Variants in WNK2 observed in about 807,000 individuals in gnomAD.
WNK2 encodes WNK lysine deficient protein kinase 2.
WNK2 carries 67 observed loss-of-function variants against 192.1 expected under a neutral mutation model. The observed-to-expected ratio is 0.35, with a 90% CI of 0.29 to 0.43. The LOEUF (loss-of-function observed/expected upper bound fraction) is 0.43. WNK2 is among the 20% of genes least tolerant of loss of function. The pLI is 1.00. For synonymous variants in WNK2, 1,439 were observed against 1,393.9 expected (o/e 1.03, Z -0.72); for missense variants, 2,698 against 3,089.7 (o/e 0.87, Z 3.01).
At chr9:93,238,493 G>A (rs1490140416) in intron 6 of WNK2, among the ~76,000 whole-genome samples, 172 bp downstream of exon 6, 2 of 152,230 alleles carry the variant, frequency 1.3e-5, no homozygotes, top group African/African-American at 4.8e-5. Flanking sequence ...GAGTGCGTGT[G>A]GGTGACACCA....
At chr9:93,234,508 G>A (rs906096323) in intron 4 of WNK2, among the ~76,000 whole-genome samples, 7 of 152,196 alleles carry the variant, frequency 4.6e-5, no homozygotes, top group African/African-American at 9.7e-5. Context: ...TTCCAGGCTC[G>A]GACCCCGTCC....
At chr9:93,193,486 C>T (rs1486521616) in intron 2 of WNK2, among the ~76,000 whole-genome samples, 3 of 152,224 alleles carry the variant, frequency 2.0e-5, no homozygotes, top group Non-Finnish European at 4.4e-5. Flanking sequence ...GAGGCTGGTT[C>T]CCGAGGCTGC....
At chr9:93,291,361 G>T (rs1174139751) in intron 21 of WNK2, among the ~76,000 whole-genome samples, 2 of 152,202 alleles carry the variant, frequency 1.3e-5, no homozygotes, top group African/African-American at 2.4e-5. Context: ...TTTCCAGAGT[G>T]TGGAACTCAT....
intron 19 of WNK2, among the ~76,000 whole-genome samples, chr9:93,271,280 A>G (rs1845972492): frequency 6.6e-6 from 1 of 152,232 alleles, no homozygotes; most frequent in Non-Finnish European, 1.5e-5. Context: ...CTGAAGCAAA[A>G]ATATTAACAT....
chr9:93,196,679 T>C (rs776447527), intron 2 of WNK2, among the ~76,000 whole-genome samples: 11 of 152,198 alleles, frequency 7.2e-5, no homozygotes, highest in Non-Finnish European at 1.6e-4. Flanking sequence ...CATGTGTTTG[T>C]GTGGCCAACT....
intron 19 of WNK2, among the ~76,000 whole-genome samples, chr9:93,281,002 A>G (rs913188286): frequency 6.6e-5 from 10 of 152,236 alleles, no homozygotes; most frequent in African/African-American, 2.4e-4. Context: ...GACTGGACAT[A>G]TATAAAATTC....
At chr9:93,264,074 G>T (rs1385793736) in intron 16 of WNK2, 41 bp downstream of exon 16, 1 of 1,457,748 alleles carries the variant, frequency 6.9e-7, no homozygotes. Flanking sequence ...GGTGTTTCTT[G>T]GACACGTGTG....
At chr9:93,274,979 G>C (rs1196472606) in intron 19 of WNK2, among the ~76,000 whole-genome samples, 1 of 152,182 alleles carries the variant, frequency 6.6e-6, no homozygotes, top group Non-Finnish European at 1.5e-5. Context: ...TACCAAAAAA[G>C]AGAATGATAG....
intron 26 of WNK2, among the ~76,000 whole-genome samples, chr9:93,301,993 C>T (rs1268548533): frequency 3.9e-5 from 6 of 152,212 alleles, no homozygotes; most frequent in Non-Finnish European, 8.8e-5. Context: ...GGATCAGCTC[C>T]AGGCCTCCGA....
rs142375182 is a variant in WNK2, at chr9:93,297,939, C to T, written c.5795C>T (p.Pro1932Leu). Residue 1932 changes from proline to leucine, a missense_variant, in exon 24 of 30, where the codon CCC becomes CTC. Pro to Leu is a moderately conservative substitution (Grantham distance 98, BLOSUM62 -3). This residue lies in a region of WNK2 where 1,098 missense variants were observed against 1,101.0 expected (regional missense o/e 1.00). Transcript: ENST00000427277. ...CGCCGCCTGGGCAAGCCACTGCCCC[C>T]CAACGTGGGCTTCTTCCACACGGCA... The part of the protein sequence containing the change: ...LYRRLGKPLP[P>L]NVGFFHTAPP... 17 of 1,588,088 alleles carry T rather than the reference C, an allele frequency of 1.1e-5. No individual in the cohort carries two copies. Among genetic ancestry groups the T allele is most frequent in the African/African-American group, 2.7e-5 (2 of 74,254 alleles).
chr9:93,318,600 C>T (rs1855139975), intron 29 of WNK2: 2 of 1,606,646 alleles, frequency 1.2e-6, no homozygotes, highest in South Asian at 2.2e-5. Flanking sequence ...TGGCTGCCCG[C>T]CCACCCTGTG....
intron 4 of WNK2, among the ~76,000 whole-genome samples, chr9:93,234,032 C>T (rs1839388222): frequency 6.6e-6 from 1 of 152,194 alleles, no homozygotes; most frequent in Admixed American, 6.5e-5. Context: ...AGCCCTCGCC[C>T]CCTGCAGACA....
chr9:93,251,052 G>T (rs1842525735), intron 8 of WNK2, among the ~76,000 whole-genome samples: 1 of 151,978 alleles, frequency 6.6e-6, no homozygotes, highest in Admixed American at 6.6e-5. Context: ...CTCTCAAGGT[G>T]CTGGGATTAC....
chr9:93,294,026 T>C (rs550179522), intron 23 of WNK2, among the ~76,000 whole-genome samples: 4 of 152,298 alleles, frequency 2.6e-5, no homozygotes, highest in Non-Finnish European at 5.9e-5. Context: ...ATTTATTCTG[T>C]CCTGCTGCGG....
Position 93,320,351 on chromosome 9 carries a change from C to T in WNK2, c.6629-16C>T, listed in dbSNP as rs373735548. The T allele has an allele frequency of 1.3e-4, 173 of 1,367,386 alleles. No individual in the cohort carries two copies. The highest frequency in any genetic ancestry group is 1.3e-4 in the Non-Finnish European group (134 of 1,021,766). The allele number at this position is 1,367,386 out of a possible 1,614,324, so 84.7% of individuals were successfully genotyped here. ...TGCGGTGGGCCCACAGTCAGCTGCG[C>T]GGTTTTGTTTTCCAGATCCTGAGAG... is the stretch of plus-strand genomic sequence containing the variant. On this transcript the variant is annotated splice_polypyrimidine_tract_variant and intron_variant, in intron 29 of 29. Coordinates refer to ENST00000427277, the MANE Select transcript of WNK2 (RefSeq NM_006648.4).
rs1015553029 is a variant in WNK2 at position 93,229,532 on chromosome 9, C to T, written c.682-164C>T. ...AGGGTTGTGGGGACTAAGGAGTCAG[C>T]AGTTGTGGTGCCAGTGTCTGCATGC... On this transcript the variant is annotated intron_variant, in intron 2 of 29. Coordinates refer to ENST00000427277, the MANE Select transcript of WNK2 (RefSeq NM_006648.4). The surrounding 1 kb of genome is among the most constrained non-coding windows in gnomAD (Gnocchi z 4.9). Among the ~76,000 whole-genome samples, 4 of 152,094 alleles carry T rather than the reference C, an allele frequency of 2.6e-5. No individual in the cohort carries two copies. The highest frequency in any genetic ancestry group is 9.7e-5 in the African/African-American group (4 of 41,400).
At chr9:93,252,355 A>G (rs976365327) in intron 8 of WNK2, among the ~76,000 whole-genome samples, 1 of 152,348 alleles carries the variant, frequency 6.6e-6, no homozygotes, top group East Asian at 1.9e-4. Context: ...ACACAGGGGA[A>G]TAGTGGGTGC....
rs1849624328 is a variant in WNK2 at position 93,293,039 on chromosome 9, C to T, written c.5574C>T (p.Pro1858=). The T allele has an allele frequency of 1.2e-6, 2 of 1,609,492 alleles. No homozygotes were observed. The highest frequency in any genetic ancestry group is 8.5e-7 in the Non-Finnish European group (1 of 1,178,208). ...CCGGCTCGCTGGGCCCCGAGACACCCAGCAGGGTGGGCATGAAGGTCCCCA... is the reference window on the plus strand; with the variant it reads ...CCGGCTCGCTGGGCCCCGAGACACCTAGCAGGGTGGGCATGAAGGTCCCCA... The part of the protein sequence containing the change: ...SRAGSLGPET[P]SRVGMKVPTI... The change falls in exon 23 of 30, where the codon CCC becomes CCT. Residue 1858 remains proline, a synonymous_variant. Transcript: ENST00000427277.
At chr9:93,233,654 A>T (rs886391358) in intron 4 of WNK2, among the ~76,000 whole-genome samples, 1 of 139,090 alleles carries the variant, frequency 7.2e-6, no homozygotes, top group Admixed American at 8.1e-5. Flanking sequence ...GTGAGCCAAG[A>T]TTGCACCATT....
Sources: allele counts gnomAD v4.1 joint callset (sites outside exome capture counted in the v4.1 genomes callset), GRCh38; gene constraint gnomAD v4.1.1; regional missense constraint gnomAD v4.1.1; non-coding constraint Gnocchi (gnomAD v3.1); transcripts MANE v1.5; gene names NCBI Gene and HGNC (gene_info 2026-07-23, HGNC 2026-07-21).